RAPGEF5: variants seen among roughly 807,000 people sequenced by gnomAD.
RAPGEF5 encodes the protein Rap guanine nucleotide exchange factor 5, also known as M-Ras-regulated GEF.
A neutral mutation model predicts 125.2 loss-of-function variants in RAPGEF5; 65 were observed. The observed-to-expected ratio is 0.52, with a 90% confidence interval of 0.43 to 0.64. The LOEUF (loss-of-function observed/expected upper bound fraction) is 0.64. RAPGEF5 is among the 30% of genes least tolerant of loss of function. The probability of loss-of-function intolerance (pLI) is 0.00; values close to 1 mark genes in which losing one functional copy is unlikely to be tolerated. For synonymous variants in RAPGEF5, 391 were observed against 385.9 expected, an observed-to-expected ratio of 1.01 and a Z score of -0.16; for missense variants, 958 against 1,048.1, an observed-to-expected ratio of 0.91 and a Z score of 1.19.
intron 11 of RAPGEF5, chr7:22,191,788 C>G: frequency 2.5e-6 from 1 of 401,132 alleles, no homozygotes. Flanking sequence ...GCACCTGAGC[C>G]ATTTTCTCAA....
intron 7 of RAPGEF5, among the ~76,000 whole-genome samples, chr7:22,242,226 C>T (rs1021734566): frequency 6.6e-6 from 1 of 152,154 alleles, no homozygotes; most frequent in Non-Finnish European, 1.5e-5. Context: ...AGAAGACTGC[C>T]CCAAAGTCTG....
At chr7:22,227,183 C>T (rs1785938872) in intron 8 of RAPGEF5, among the ~76,000 whole-genome samples, 1 of 151,418 alleles carries the variant, frequency 6.6e-6, no homozygotes, top group South Asian at 2.1e-4. Flanking sequence ...GACTTGTATA[C>T]ATTCTTGACC....
chr7:22,352,814 C>T (rs1438288109), intron 1 of RAPGEF5, among the ~76,000 whole-genome samples: 1 of 152,134 alleles, frequency 6.6e-6, no homozygotes, highest in South Asian at 2.1e-4. Context: ...AAGTTCTTTA[C>T]AGACCGAATT....
At chr7:22,306,775 T>C (rs1438303601) in intron 5 of RAPGEF5, among the ~76,000 whole-genome samples, 1 of 152,204 alleles carries the variant, frequency 6.6e-6, no homozygotes, top group African/African-American at 2.4e-5. Context: ...TGCATGTGGA[T>C]AGCCAGTTCT....
intron 7 of RAPGEF5, among the ~76,000 whole-genome samples, chr7:22,256,084 G>A (rs1182399380): frequency 6.6e-6 from 1 of 152,132 alleles, no homozygotes; most frequent in African/African-American, 2.4e-5. Context: ...CTCTGCTGGT[G>A]TTCTTTGTAG....
At chr7:22,239,272 C>T (rs1472304876) in intron 7 of RAPGEF5, among the ~76,000 whole-genome samples, 1 of 152,170 alleles carries the variant, frequency 6.6e-6, no homozygotes, top group African/African-American at 2.4e-5. Context: ...TTGCCTTCCC[C>T]CCAAATCCTC....
At chr7:22,258,464 T>C (rs1244232731) in intron 7 of RAPGEF5, among the ~76,000 whole-genome samples, 1 of 151,454 alleles carries the variant, frequency 6.6e-6, no homozygotes, top group East Asian at 1.9e-4. Flanking sequence ...CTACTAAAAA[T>C]ACAAAATTAG....
intron 1 of RAPGEF5, among the ~76,000 whole-genome samples, chr7:22,335,541 G>A (rs7780427): frequency 0.55 from 83,271 of 151,362 alleles, 22,978 homozygotes; most frequent in East Asian, 0.58. Context: ...CACTGGGCAG[G>A]TGCAGCCTGG....
intron 1 of RAPGEF5, among the ~76,000 whole-genome samples, chr7:22,344,097 G>A (rs1379563869): frequency 6.6e-6 from 1 of 152,150 alleles, no homozygotes; most frequent in Non-Finnish European, 1.5e-5. Context: ...CCTCTACGGT[G>A]AAGCCCAGCA....
intron 1 of RAPGEF5, among the ~76,000 whole-genome samples, chr7:22,354,395 A>G (rs923110871): frequency 1.3e-5 from 2 of 152,210 alleles, no homozygotes; most frequent in African/African-American, 4.8e-5. Flanking sequence ...AGGTCTACAA[A>G]AAGATCCAAG....
intron 1 of RAPGEF5, among the ~76,000 whole-genome samples, chr7:22,322,316 T>TC (rs748306277): frequency 1.3e-5 from 2 of 151,378 alleles, no homozygotes; most frequent in Non-Finnish European, 2.9e-5. Flanking sequence ...CTTTTGTATT[T>TC]CTTTTTTTTT....
chr7:22,146,820 C>T (rs62447966), intron 19 of RAPGEF5, 77 bp downstream of exon 19: 409 of 1,478,670 alleles, frequency 2.8e-4, no homozygotes, highest in African/African-American at 1.1e-3. Flanking sequence ...ATTTCATCAC[C>T]GCACGCATTG....
At chr7:22,163,375 T>C (rs932868977) in intron 12 of RAPGEF5, among the ~76,000 whole-genome samples, 6 of 152,150 alleles carry the variant, frequency 3.9e-5, no homozygotes, top group African/African-American at 1.4e-4. Context: ...AGCAGTACAT[T>C]TACTGACAGA....
chr7:22,216,742 C>T (rs547503262), intron 9 of RAPGEF5, among the ~76,000 whole-genome samples: 1 of 152,300 alleles, frequency 6.6e-6, no homozygotes, highest in East Asian at 1.9e-4. Flanking sequence ...GCTCATTGTG[C>T]CTACAGCTAG....
intron 5 of RAPGEF5, among the ~76,000 whole-genome samples, chr7:22,307,448 T>C (rs899278158): frequency 2.6e-5 from 4 of 152,188 alleles, no homozygotes; most frequent in African/African-American, 9.7e-5. Flanking sequence ...TTGGTTCTTA[T>C]GAAGGTCTTT....
intron 8 of RAPGEF5, among the ~76,000 whole-genome samples, chr7:22,227,749 G>A (rs910314686): frequency 1.3e-5 from 2 of 152,238 alleles, no homozygotes; most frequent in African/African-American, 4.8e-5. Context: ...GGCTGAGGTG[G>A]GAGGATCACT....
chr7:22,214,024 T>C (rs1165547562), intron 9 of RAPGEF5, among the ~76,000 whole-genome samples: 1 of 152,158 alleles, frequency 6.6e-6, no homozygotes, highest in Non-Finnish European at 1.5e-5. Context: ...ACTTTTAATA[T>C]GTAAATAAGT....
chr7:22,180,551 G>A (rs553296872), intron 11 of RAPGEF5, among the ~76,000 whole-genome samples: 6 of 152,036 alleles, frequency 3.9e-5, no homozygotes, highest in South Asian at 2.1e-4. Context: ...TATCGGCTGC[G>A]GACTGTATTT....
chr7:22,184,234 T>A (rs780084338), intron 11 of RAPGEF5, among the ~76,000 whole-genome samples: 14 of 152,330 alleles, frequency 9.2e-5, no homozygotes, highest in South Asian at 4.1e-4. Context: ...ATTCTAACAG[T>A]GGACACAGAA....
Sources: allele counts gnomAD v4.1 joint callset (sites outside exome capture counted in the v4.1 genomes callset), GRCh38; gene constraint gnomAD v4.1.1; transcripts MANE v1.5; gene names NCBI Gene and HGNC (gene_info 2026-07-23, HGNC 2026-07-21).